The following BCKDHB variants were observed in gnomAD, a reference collection of about 807,000 sequenced individuals.
BCKDHB encodes the protein 2-oxoisovalerate dehydrogenase subunit beta, mitochondrial.
In BCKDHB, 41 loss-of-function variants were observed where a neutral mutation model predicts 48.5. The ratio of observed to expected loss-of-function variants is 0.85; its 90% confidence interval spans 0.66 to 1.10. BCKDHB has a LOEUF of 1.10. Among genes scored for constraint, BCKDHB ranks in the 50% least tolerant of loss-of-function variants. BCKDHB has a pLI of 0.00. For synonymous variants in BCKDHB, 201 were observed against 174.8 expected, an observed-to-expected ratio of 1.15 and a Z score of -1.18; for missense variants, 496 against 494.2, an observed-to-expected ratio of 1.00 and a Z score of -0.03.
chr6:80,463,363 A>G, the BCKDHB span, among the ~76,000 whole-genome samples: 1 of 152,194 alleles, frequency 6.6e-6, no homozygotes. Flanking sequence ...GTTTGGCTAC[A>G]TATTTTTCTT....
chr6:80,318,557 C>A (rs1768555444), intron 9 of BCKDHB, among the ~76,000 whole-genome samples: 1 of 151,964 alleles, frequency 6.6e-6, no homozygotes, highest in Admixed American at 6.6e-5. Flanking sequence ...TGGCAGCATG[C>A]ACCTGTAGTC....
the BCKDHB span, among the ~76,000 whole-genome samples, chr6:80,414,083 C>A: frequency 6.6e-6 from 1 of 151,960 alleles, no homozygotes; most frequent in Non-Finnish European, 1.5e-5. Flanking sequence ...TGATCATTGG[C>A]CACATGTATG....
chr6:80,258,235 C>G (rs181300262), intron 8 of BCKDHB, among the ~76,000 whole-genome samples: 3 of 152,230 alleles, frequency 2.0e-5, no homozygotes, highest in Admixed American at 2.0e-4. Context: ...AGTTCAGAAG[C>G]ATTCAAAGAT....
intron 3 of BCKDHB, among the ~76,000 whole-genome samples, chr6:80,155,027 A>G (rs1230334673): frequency 1.3e-5 from 2 of 152,190 alleles, no homozygotes; most frequent in African/African-American, 4.8e-5. Context: ...TAACAGTGCT[A>G]TCTTGATATG....
chr6:80,112,165 C>A (rs1219106574), intron 1 of BCKDHB, among the ~76,000 whole-genome samples: 1 of 152,186 alleles, frequency 6.6e-6, no homozygotes, highest in Non-Finnish European at 1.5e-5. Flanking sequence ...ATAAACACAT[C>A]TAGACATGTA....
intron 8 of BCKDHB, among the ~76,000 whole-genome samples, chr6:80,252,814 G>T (rs1452065463): frequency 1.3e-5 from 2 of 152,058 alleles, no homozygotes; most frequent in Non-Finnish European, 2.9e-5. Context: ...GATTTAATTG[G>T]ACTGTTACAA....
At chr6:80,386,452 G>A in the BCKDHB span, among the ~76,000 whole-genome samples, 6 of 146,912 alleles carry the variant, frequency 4.1e-5, no homozygotes, top group South Asian at 4.4e-4. Context: ...TTAGCCAACC[G>A]ATGCCTTGCA....
intron 9 of BCKDHB, among the ~76,000 whole-genome samples, chr6:80,331,151 T>C (rs548351438): frequency 7.2e-5 from 11 of 152,274 alleles, no homozygotes; most frequent in Non-Finnish European, 1.6e-4. Flanking sequence ...TAACAGCCTC[T>C]GGAGGGAATG....
At chr6:80,139,443 C>T (rs1351967546) in intron 3 of BCKDHB, among the ~76,000 whole-genome samples, 1 of 151,992 alleles carries the variant, frequency 6.6e-6, no homozygotes, top group Non-Finnish European at 1.5e-5. Flanking sequence ...TTAGGTCTAA[C>T]ATTTAAGTCT....
the BCKDHB span, among the ~76,000 whole-genome samples, chr6:80,406,183 C>A: frequency 2.0e-5 from 3 of 152,178 alleles, no homozygotes. Context: ...GCGTAGTATT[C>A]CATGGTGTAT....
chr6:80,278,099 G>A (rs368789368), intron 9 of BCKDHB, among the ~76,000 whole-genome samples: 5 of 152,102 alleles, frequency 3.3e-5, no homozygotes, highest in Admixed American at 6.5e-5. Flanking sequence ...TAAAATTGCC[G>A]TGCTGGTAAA....
chr6:80,367,576 T>C, the BCKDHB span, among the ~76,000 whole-genome samples: 2 of 152,204 alleles, frequency 1.3e-5, no homozygotes, highest in African/African-American at 4.8e-5. Context: ...CTAACACAAG[T>C]AAGAAATTAA....
intron 3 of BCKDHB, among the ~76,000 whole-genome samples, chr6:80,159,111 C>T (rs1010035710): frequency 6.6e-6 from 1 of 151,924 alleles, no homozygotes; most frequent in Non-Finnish European, 1.5e-5. Context: ...CTTGGTTTAC[C>T]CAGGTTAGTC....
chr6:80,451,518 A>T, the BCKDHB span, among the ~76,000 whole-genome samples: 1 of 152,088 alleles, frequency 6.6e-6, no homozygotes, highest in Non-Finnish European at 1.5e-5. Context: ...CGGGTGGACC[A>T]CTTGAGGCCG....
At chr6:80,118,762 A>C (rs1278558440) in intron 1 of BCKDHB, among the ~76,000 whole-genome samples, 1 of 136,690 alleles carries the variant, frequency 7.3e-6, no homozygotes, top group Non-Finnish European at 1.6e-5. Flanking sequence ...AATGGATTTC[A>C]TCTCAAGGAT....
chr6:80,360,726 C>T, the BCKDHB span, among the ~76,000 whole-genome samples: 1 of 152,028 alleles, frequency 6.6e-6, no homozygotes, highest in Admixed American at 6.6e-5. Flanking sequence ...GAATTATTGG[C>T]CAGGTACAGT....
At chr6:80,175,246 A>G (rs982034113) in intron 6 of BCKDHB, among the ~76,000 whole-genome samples, 1 of 152,190 alleles carries the variant, frequency 6.6e-6, no homozygotes, top group Admixed American at 6.5e-5. Flanking sequence ...TCTTTAAAGA[A>G]TAACTTGAAG....
intron 9 of BCKDHB, among the ~76,000 whole-genome samples, chr6:80,315,376 G>C (rs978688236): frequency 6.6e-6 from 1 of 152,080 alleles, no homozygotes; most frequent in Non-Finnish European, 1.5e-5. Flanking sequence ...TTAACTGGGG[G>C]TGGGGGTTCC....
chr6:80,405,135 A>G, the BCKDHB span, among the ~76,000 whole-genome samples: 1 of 152,068 alleles, frequency 6.6e-6, no homozygotes, highest in Non-Finnish European at 1.5e-5. Context: ...AAAGTGGGGT[A>G]TTTAAGTCCC....
Sources: allele counts gnomAD v4.1 joint callset (sites outside exome capture counted in the v4.1 genomes callset), GRCh38; gene constraint gnomAD v4.1.1; transcripts MANE v1.5; gene names NCBI Gene and HGNC (gene_info 2026-07-23, HGNC 2026-07-21).